KLHL29: variants seen among roughly 807,000 people sequenced by gnomAD.
KLHL29 encodes kelch like family member 29.
In KLHL29, 21 loss-of-function variants were observed where a neutral mutation model predicts 80.4. That is an observed-to-expected ratio of 0.26 (90% CI 0.19 to 0.38). The LOEUF is 0.38. KLHL29 is among the 10% of genes least tolerant of loss of function. The pLI is 1.00. For missense variants in KLHL29, 867 were observed against 1,223.9 expected (o/e 0.71, Z 4.35); for synonymous variants, 511 against 526.8 (o/e 0.97, Z 0.41).
rs563558983 is a variant in KLHL29, at chr2:23,551,445, T to G, written c.-45-10707T>G. ...AATGGGAGGCTTGTTCTTTTAATATTGTTCATCTAAAACGGGCACTAGTAC... is the reference window on the plus strand; with the variant it reads ...AATGGGAGGCTTGTTCTTTTAATATGGTTCATCTAAAACGGGCACTAGTAC... On this transcript the variant is annotated intron_variant, in intron 2 of 13. Transcript: ENST00000486442. 5.3e-5 allele frequency among the ~76,000 whole-genome samples: 8 copies of G among 152,326 alleles called. No individual in the cohort carries two copies. In the South Asian group the frequency reaches 1.5e-3, roughly 28 times the overall value.
intron 3 of KLHL29, among the ~76,000 whole-genome samples, chr2:23,608,758 C>T (rs1349925179): frequency 6.6e-6 from 1 of 152,180 alleles, no homozygotes; most frequent in Non-Finnish European, 1.5e-5. Context: ...TCGCACAGAG[C>T]ACTCAATACA....
rs1270224066 is a variant in KLHL29 at position 23,457,290 on chromosome 2, T to C, written c.-153-18270T>C. Among the ~76,000 whole-genome samples the C allele has an allele frequency of 3.3e-5, 5 of 152,210 alleles. No homozygotes were observed. Among genetic ancestry groups the C allele is most frequent in the Non-Finnish European group, 5.9e-5 (4 of 68,024 alleles). On this transcript the variant is annotated intron_variant, in intron 1 of 13. Transcript: ENST00000486442. The surrounding 1 kb of genome is among the most constrained non-coding windows in gnomAD (Gnocchi z 4.3). ...CTCTGAGCCCAGAGGGGCCAGGTCT[T>C]TGGAGTCTGGAATGACTAAGGCAGG...
intron 1 of KLHL29, among the ~76,000 whole-genome samples, chr2:23,451,672 G>A (rs1324819484): frequency 6.6e-6 from 1 of 152,212 alleles, no homozygotes; most frequent in Non-Finnish European, 1.5e-5. Context: ...GGGAGACGGA[G>A]GGATTTTGGA....
chr2:23,655,993 C>G (rs1485481742), intron 5 of KLHL29, among the ~76,000 whole-genome samples: 1 of 152,196 alleles, frequency 6.6e-6, no homozygotes, highest in Non-Finnish European at 1.5e-5. Flanking sequence ...CTTAAGAGCA[C>G]AAAGTGGCAC....
intron 3 of KLHL29, among the ~76,000 whole-genome samples, chr2:23,638,053 T>G (rs1669665229): frequency 6.7e-6 from 1 of 148,290 alleles, no homozygotes; most frequent in Non-Finnish European, 1.5e-5. Flanking sequence ...TATCCAGGAT[T>G]TTTTTTTTCC....
intron 3 of KLHL29, among the ~76,000 whole-genome samples, chr2:23,566,773 G>T (rs1162948618): frequency 3.9e-5 from 6 of 152,246 alleles, no homozygotes; most frequent in Non-Finnish European, 1.5e-5. Flanking sequence ...TGGGGATGAT[G>T]TGAGAACTGG....
At position 23,695,591 on chromosome 2, in the gene KLHL29, T is replaced by C; in HGVS notation, c.1543-32T>C. 6.7e-7 allele frequency: 1 copy of C among 1,482,816 alleles called. No individual in the cohort carries two copies. The highest frequency in any genetic ancestry group is 9.1e-7 in the Non-Finnish European group (1 of 1,101,816). 91.9% of individuals were successfully genotyped at this position (1,482,816 alleles called of 1,614,324 possible). A position where few individuals can be genotyped will look rare whatever the true frequency, so the allele number is the denominator to read the frequency against. ...CCGGGAGGTGGCTCTCTCTTGCTAGTCTAAGAAGATTCTGTCTCCTGTACC... is the reference window on the plus strand; with the variant it reads ...CCGGGAGGTGGCTCTCTCTTGCTAGCCTAAGAAGATTCTGTCTCCTGTACC... On this transcript the variant is annotated intron_variant, in intron 8 of 13. Coordinates refer to ENST00000486442, the MANE Select transcript of KLHL29 (RefSeq NM_052920.2). This position sits in a 1 kb window ranked among gnomAD's most constrained non-coding sequence, Gnocchi z 7.6.
intron 1 of KLHL29, among the ~76,000 whole-genome samples, chr2:23,444,701 G>A (rs1163131135): frequency 6.6e-6 from 1 of 152,098 alleles, no homozygotes; most frequent in East Asian, 1.9e-4. Context: ...ACATAAAATA[G>A]TCTTAAACTT....
intron 5 of KLHL29, chr2:23,672,448 T>G (rs1231363718): frequency 6.6e-6 from 1 of 152,354 alleles, no homozygotes; most frequent in Non-Finnish European, 1.5e-5. Context: ...AGCTAGTCGA[T>G]TCAGAGTGAC....
chr2:23,599,471 A>T (rs1281785220), intron 3 of KLHL29, among the ~76,000 whole-genome samples: 2 of 151,732 alleles, frequency 1.3e-5, no homozygotes, highest in African/African-American at 2.4e-5. Context: ...TAGATATTTT[A>T]AAAATATATA....
In KLHL29 at chr2:23,684,481, A is replaced by G; in HGVS notation, c.1023A>G (p.Glu341=). 1.3e-6 allele frequency: 2 copies of G among 1,551,222 alleles called. No homozygotes were observed. Among genetic ancestry groups the G allele is most frequent in the Non-Finnish European group, 1.7e-6 (2 of 1,146,848 alleles). The change falls in exon 6 of 14, where the codon GAA becomes GAG. Residue 341 remains glutamate, a synonymous_variant. Coordinates refer to ENST00000486442, the MANE Select transcript of KLHL29 (RefSeq NM_052920.2). This position sits in a 1 kb window ranked among gnomAD's most constrained non-coding sequence, Gnocchi z 4.4. The part of the protein sequence containing the change: ...LKIVVEGREF[E]VHQNVLASCS... ...TTGTTGTTGAAGGCAGAGAGTTTGA[A>G]GTCCACCAAAATGTTCTAGCTTCCT...
Position 23,696,628 on chromosome 2 carries a change from C to A in KLHL29, c.2105+115C>A. The A allele has an allele frequency of 1.2e-6, 1 of 803,260 alleles. No individual in the cohort carries two copies. Among genetic ancestry groups the A allele is most frequent in the Non-Finnish European group, 1.9e-6 (1 of 516,174 alleles). The allele number at this position is 803,260 out of a possible 1,614,324, so 49.8% of individuals were successfully genotyped here. ...AGTGGCGATGGAGCAGAGCCTGGAC[C>A]ATTCATATGGGCAGTCATCCCAGGC... is the stretch of plus-strand genomic sequence containing the variant. On this transcript the variant is annotated intron_variant, in intron 11 of 13. Transcript: ENST00000486442. This position sits in a 1 kb window ranked among gnomAD's most constrained non-coding sequence, Gnocchi z 5.5.
chr2:23,565,907 G>A (rs146447644), intron 3 of KLHL29, among the ~76,000 whole-genome samples: 7 of 152,228 alleles, frequency 4.6e-5, no homozygotes, highest in African/African-American at 7.2e-5. Flanking sequence ...TAGGCAGTGC[G>A]CAGGGTGAAC....
intron 2 of KLHL29, among the ~76,000 whole-genome samples, chr2:23,535,768 G>T (rs919256460): frequency 2.0e-5 from 3 of 152,158 alleles, no homozygotes; most frequent in African/African-American, 2.4e-5. Context: ...GGAAAGGGGA[G>T]TTATTGTTTT....
chr2:23,688,286 C>A (rs550170681), intron 6 of KLHL29, among the ~76,000 whole-genome samples: 1 of 152,194 alleles, frequency 6.6e-6, no homozygotes, highest in Non-Finnish European at 1.5e-5. Flanking sequence ...CATTCATGGG[C>A]GGAGTCCTCT....
At chr2:23,395,190 C>T (rs896491510) in intron 1 of KLHL29, among the ~76,000 whole-genome samples, 5 of 152,198 alleles carry the variant, frequency 3.3e-5, no homozygotes, top group Admixed American at 1.3e-4. Flanking sequence ...ATGAGTGGTC[C>T]AGTCCAGGAA....
At chr2:23,551,743 T>C (rs1054832038) in intron 2 of KLHL29, among the ~76,000 whole-genome samples, 22 of 152,350 alleles carry the variant, frequency 1.4e-4, no homozygotes, top group South Asian at 6.2e-4. Flanking sequence ...TCTCAAACTT[T>C]AACTTGCATG....
chr2:23,542,782 A>G (rs1245430916), intron 2 of KLHL29, among the ~76,000 whole-genome samples: 2 of 152,184 alleles, frequency 1.3e-5, no homozygotes, highest in Non-Finnish European at 2.9e-5. Flanking sequence ...AACCTGGAAG[A>G]TGATCTCATA....
chr2:23,403,020 A>T (rs1463928294), intron 1 of KLHL29, among the ~76,000 whole-genome samples: 3 of 149,712 alleles, frequency 2.0e-5, no homozygotes, highest in East Asian at 3.9e-4. Context: ...CTATATATAT[A>T]GTGTACACTA....
Sources: allele counts gnomAD v4.1 joint callset (sites outside exome capture counted in the v4.1 genomes callset), GRCh38; gene constraint gnomAD v4.1.1; non-coding constraint Gnocchi (gnomAD v3.1); transcripts MANE v1.5; gene names NCBI Gene and HGNC (gene_info 2026-07-23, HGNC 2026-07-21).